The following ARHGEF7 variants were observed in gnomAD, a reference collection of about 807,000 sequenced individuals.
ARHGEF7 encodes PAK-interacting exchange factor beta.
In ARHGEF7, 33 loss-of-function variants were observed where a neutral mutation model predicts 109.8. That is an observed-to-expected ratio of 0.30 (90% CI 0.23 to 0.40). The LOEUF (loss-of-function observed/expected upper bound fraction) is 0.40, where lower values mean the gene tolerates loss of function less well. Among genes scored for constraint, ARHGEF7 ranks in the 10% least tolerant of loss-of-function variants. The pLI is 1.00. For synonymous variants in ARHGEF7, 458 were observed against 424.6 expected (o/e 1.08, Z -0.97); for missense variants, 938 against 1,098.5 (o/e 0.85, Z 2.07).
chr13:111,302,510 C>A (rs1334440281), intron 21 of ARHGEF7, among the ~76,000 whole-genome samples: 3 of 152,200 alleles, frequency 2.0e-5, no homozygotes, highest in Non-Finnish European at 4.4e-5. Context: ...TCACGCTTTG[C>A]CCCTACCGGC....
In ARHGEF7 at chr13:111,303,214, G is replaced by A. The variant is rs2093607684; in HGVS notation, c.*101G>A. 7.8e-6 allele frequency: 7 copies of A among 901,342 alleles called. No individual in the cohort carries two copies. The Admixed American group carries it at 9.1e-5, about 12-fold the overall frequency. The allele number at this position is 901,342 out of a possible 1,614,324, so 55.8% of individuals were successfully genotyped here. A position where few individuals can be genotyped will look rare whatever the true frequency, so the allele number is the denominator to read the frequency against. ...ACTCAGGACCACAGGGCAGGGCTGG[G>A]TGGGGCGCCACCTTGCTCTCTGTAT... is the stretch of plus-strand genomic sequence containing the variant. On this transcript the variant is annotated 3_prime_UTR_variant, in exon 22 of 22. Transcript: ENST00000646102.
At chr13:111,182,235 C>T (rs2153431237) in intron 2 of ARHGEF7, 1 of 152,374 alleles carries the variant, frequency 6.6e-6, no homozygotes, top group Non-Finnish European at 1.5e-5. Flanking sequence ...GGGTTCAGGA[C>T]TTCCTTGGGA....
intron 1 of ARHGEF7, chr13:111,153,636 C>T (rs1330116726): frequency 2.6e-5 from 31 of 1,197,886 alleles, no homozygotes; most frequent in Non-Finnish European, 3.1e-6. Flanking sequence ...GGGGCGCGGT[C>T]TGAGGACGTC....
At position 111,288,072 on chromosome 13, in the gene ARHGEF7, G is replaced by A. The variant is rs1406517901; in HGVS notation, c.2045-282G>A. Among the ~76,000 whole-genome samples the A allele has an allele frequency of 2.0e-5, 3 of 152,170 alleles. No homozygotes were observed. The South Asian group carries it at 6.2e-4, about 32-fold the overall frequency. On this transcript the variant is annotated intron_variant, in intron 17 of 21. Transcript: ENST00000646102. Reference sequence around the variant, plus strand: ...CCTGCCCTTTTTTCAGTTTGAGAGTGGGGATACTAATTTTCTTACGGGTTG... The same window carrying A: ...CCTGCCCTTTTTTCAGTTTGAGAGTAGGGATACTAATTTTCTTACGGGTTG...
intron 16 of ARHGEF7, among the ~76,000 whole-genome samples, chr13:111,285,323 C>T (rs145069416): frequency 5.8e-4 from 88 of 152,318 alleles, no homozygotes; most frequent in African/African-American, 2.0e-3. Flanking sequence ...TTCCATAGCA[C>T]ATCTCATCTT....
At chr13:111,241,874 T>A (rs556644508) in intron 6 of ARHGEF7, among the ~76,000 whole-genome samples, 1 of 152,246 alleles carries the variant, frequency 6.6e-6, no homozygotes, top group Non-Finnish European at 1.5e-5. Context: ...AAAGGACTTT[T>A]CTGATACGTC....
In ARHGEF7 at chr13:111,273,886, G is replaced by A. The variant is rs202028087; in HGVS notation, c.1146G>A (p.Leu382=). The change falls in exon 10 of 22, where the codon CTG becomes CTA. Residue 382 remains leucine, a synonymous_variant. Transcript: ENST00000646102. The surrounding 1 kb of genome is among the most constrained non-coding windows in gnomAD (Gnocchi z 4.5). ...GGATTCTCGTGCTGACCACGGGCCT[G>A]AGCAAACCCTTCATGCGCCTGGATA... ...SPGILVLTTG[L]SKPFMRLDKY... is the part of the protein sequence containing the mutation. 1.2e-6 allele frequency: 2 copies of A among 1,614,162 alleles called. No homozygotes were observed. Among genetic ancestry groups the A allele is most frequent in the Non-Finnish European group, 1.7e-6 (2 of 1,180,022 alleles).
chr13:111,298,121 G>T (rs1201436455), intron 19 of ARHGEF7, among the ~76,000 whole-genome samples: 1 of 152,232 alleles, frequency 6.6e-6, no homozygotes, highest in Non-Finnish European at 1.5e-5. Context: ...ACTTCTCTTT[G>T]CAGGGAAGAG....
At chr13:111,288,324 G>T in intron 17 of ARHGEF7, 30 bp from the exon 18 acceptor site, 1 of 1,562,180 alleles carries the variant, frequency 6.4e-7, no homozygotes, top group Non-Finnish European at 8.8e-7. Flanking sequence ...CTTTCAGTTC[G>T]ACTGTGAACT....
At chr13:111,285,826 G>T (rs1163945229) in intron 16 of ARHGEF7, among the ~76,000 whole-genome samples, 2 of 152,024 alleles carry the variant, frequency 1.3e-5, no homozygotes, top group Non-Finnish European at 2.9e-5. Context: ...GAGCGTGCAG[G>T]ATGTCTGTGC....
chr13:111,260,926 A>T (rs1800278076), intron 8 of ARHGEF7, among the ~76,000 whole-genome samples: 1 of 152,328 alleles, frequency 6.6e-6, no homozygotes, highest in Admixed American at 6.5e-5. Context: ...GTTGTCATTT[A>T]AAAATAATGG....
rs755200912 is a variant in ARHGEF7 at position 111,286,679 on chromosome 13, TG to T, written c.2044+440del. On this transcript the variant is annotated intron_variant, in intron 17 of 21. Coordinates refer to ENST00000646102, the MANE Select transcript of ARHGEF7 (RefSeq NM_001354046.2). The stretch of plus-strand genomic sequence containing the variant: ...GCTGTTCTCTTGCTGGTCTCTCTGC[TG>T]TTGGACCTGTCCTGTCTGCTCCTCA... 3.5e-4 allele frequency among the ~76,000 whole-genome samples: 54 copies of T among 152,348 alleles called. No homozygotes were observed. In the East Asian group the frequency reaches 5.8e-3, roughly 16 times the overall value.
chr13:111,215,601 C>T (rs1245040157), intron 4 of ARHGEF7, among the ~76,000 whole-genome samples: 1 of 152,170 alleles, frequency 6.6e-6, no homozygotes, highest in African/African-American at 2.4e-5. Flanking sequence ...ACTGTTCTTA[C>T]CTTTCTAATA....
rs530802404 is a variant in ARHGEF7, at chr13:111,131,469, A to T, written c.165+15778A>T. On this transcript the variant is annotated intron_variant, in intron 1 of 21. Coordinates refer to ENST00000646102, the MANE Select transcript of ARHGEF7 (RefSeq NM_001354046.2). The surrounding 1 kb of genome is among the most constrained non-coding windows in gnomAD (Gnocchi z 4.4). ...CTGTTGGAGCTTAGAGGCCCCCTGG[A>T]CTGAAGCATACACGTGGGACTCGTA... 6.6e-6 allele frequency among the ~76,000 whole-genome samples: 1 copy of T among 152,246 alleles called. No homozygotes were observed. The highest frequency in any genetic ancestry group is 2.4e-5 in the African/African-American group (1 of 41,544).
In ARHGEF7 at chr13:111,283,122, C is replaced by T. The variant is rs373513650; in HGVS notation, c.1726-17C>T. On this transcript the variant is annotated splice_polypyrimidine_tract_variant and intron_variant, in intron 15 of 21. Transcript: ENST00000646102. ...AGTCTCATGTTCTCTGCCCTTCCCG[C>T]TCTGTGCCCTTGGCAGCTCCCCTCC... The T allele has an allele frequency of 6.4e-7, 1 of 1,569,786 alleles. No individual in the cohort carries two copies. The highest frequency in any genetic ancestry group is 1.2e-5 in the South Asian group (1 of 85,416).
chr13:111,206,000 G>A (rs1222424054), intron 3 of ARHGEF7, among the ~76,000 whole-genome samples: 6 of 152,134 alleles, frequency 3.9e-5, no homozygotes, highest in African/African-American at 9.7e-5. Flanking sequence ...CAAGGTCCCC[G>A]GAGGAAATGC....
At chr13:111,139,352 A>G (rs1013791935) in intron 1 of ARHGEF7, among the ~76,000 whole-genome samples, 2 of 151,320 alleles carry the variant, frequency 1.3e-5, no homozygotes, top group African/African-American at 4.9e-5. Context: ...TCTCTCTGTG[A>G]CTCTGTTTCT....
chr13:111,223,858 A>ATTTTTT (rs35652076), intron 5 of ARHGEF7, among the ~76,000 whole-genome samples: 1 of 139,058 alleles, frequency 7.2e-6, no homozygotes, highest in Non-Finnish European at 1.6e-5. Flanking sequence ...TTTCTATAGC[A>ATTTTTT]TTTTTTTTTT....
chr13:111,132,269 G>A (rs1327600108), intron 1 of ARHGEF7, among the ~76,000 whole-genome samples: 1 of 152,096 alleles, frequency 6.6e-6, no homozygotes, highest in Admixed American at 6.6e-5. Context: ...TAAGTGTTGC[G>A]TTGAGCCTGA....
Sources: allele counts gnomAD v4.1 joint callset (sites outside exome capture counted in the v4.1 genomes callset), GRCh38; gene constraint gnomAD v4.1.1; non-coding constraint Gnocchi (gnomAD v3.1); transcripts MANE v1.5; gene names NCBI Gene and HGNC (gene_info 2026-07-23, HGNC 2026-07-21).